The following RBFOX1 variants were observed in gnomAD, a reference collection of about 807,000 sequenced individuals.
RBFOX1 encodes the protein RNA binding protein fox-1 homolog 1.
RBFOX1 carries 8 observed loss-of-function variants against 57.7 expected under a neutral mutation model. That is an observed-to-expected ratio of 0.14 (90% CI 0.08 to 0.25). The LOEUF (loss-of-function observed/expected upper bound fraction) is 0.25. RBFOX1 is among the 10% of genes least tolerant of loss of function. RBFOX1 has a pLI of 1.00. For missense variants in RBFOX1, 611 were observed against 548.5 expected, an observed-to-expected ratio of 1.11 and a Z score of -1.14; for synonymous variants, 326 against 222.4, an observed-to-expected ratio of 1.47 and a Z score of -4.15.
At chr16:6,965,092 A>T (rs556355658) in intron 3 of RBFOX1, among the ~76,000 whole-genome samples, 1 of 151,746 alleles carries the variant, frequency 6.6e-6, no homozygotes, top group Non-Finnish European at 1.5e-5. Flanking sequence ...GCTTCTTCCT[A>T]GGTCATGAGG....
At chr16:7,332,419 G>C (rs2096710019) in intron 4 of RBFOX1, among the ~76,000 whole-genome samples, 1 of 152,226 alleles carries the variant, frequency 6.6e-6, no homozygotes. Context: ...ATCAGAGAGA[G>C]AGCGGGAGGA....
intron 5 of RBFOX1, among the ~76,000 whole-genome samples, chr16:7,547,423 C>G (rs987271653): frequency 6.6e-6 from 1 of 151,844 alleles, no homozygotes; most frequent in Non-Finnish European, 1.5e-5. Flanking sequence ...CTGTTATATG[C>G]CAAAAATGAG....
intron 2 of RBFOX1, among the ~76,000 whole-genome samples, chr16:6,369,228 A>T (rs1484316988): frequency 1.3e-5 from 2 of 152,204 alleles, no homozygotes; most frequent in Non-Finnish European, 2.9e-5. Context: ...TGCCTTAAAT[A>T]TCTCATTTTA....
At chr16:7,038,469 A>G (rs533999405) in intron 3 of RBFOX1, among the ~76,000 whole-genome samples, 2 of 152,314 alleles carry the variant, frequency 1.3e-5, no homozygotes, top group African/African-American at 2.4e-5. Context: ...GAGAATAAAA[A>G]TGTACCTGGG....
intron 2 of RBFOX1, among the ~76,000 whole-genome samples, chr16:5,531,156 C>T (rs2044462816): frequency 6.6e-6 from 1 of 151,800 alleles, no homozygotes; most frequent in East Asian, 1.9e-4. Context: ...AAAATAATCA[C>T]AGTCCAGGTG....
chr16:6,982,483 C>A (rs560849776), intron 3 of RBFOX1, among the ~76,000 whole-genome samples: 5 of 152,118 alleles, frequency 3.3e-5, no homozygotes, highest in Non-Finnish European at 5.9e-5. Context: ...TCATGAGAGT[C>A]GTTGACGAGG....
intron 3 of RBFOX1, among the ~76,000 whole-genome samples, chr16:6,707,508 T>G (rs1180028301): frequency 7.7e-6 from 1 of 129,124 alleles, no homozygotes; most frequent in Non-Finnish European, 1.6e-5. Context: ...GTTGTAAACA[T>G]CACTGCAGTG....
rs2067194507 is a variant in RBFOX1 at position 5,417,579 on chromosome 16, C to T, written c.220-49637C>T. Among the ~76,000 whole-genome samples, 3 of 152,222 alleles carry T rather than the reference C, an allele frequency of 2.0e-5. No individual in the cohort carries two copies. In the South Asian group the frequency reaches 6.2e-4, roughly 32 times the overall value. ...CCTGGCTTAAGAGAAGGAAAACAAC[C>T]AGAAGAGAGCAAAGGTGGGCAGACA... On this transcript the variant is annotated intron_variant, in intron 1 of 2. Coordinates refer to the RBFOX1 transcript ENST00000585867.
intron 2 of RBFOX1, 97 bp from the exon 3 acceptor site, chr16:6,654,506 T>G: frequency 1.0e-6 from 1 of 959,310 alleles, no homozygotes; most frequent in Non-Finnish European, 1.5e-6. Context: ...TCTTTATTAT[T>G]TTAAAGGGCA....
intron 2 of RBFOX1, among the ~76,000 whole-genome samples, chr16:6,557,145 A>G (rs1599758686): frequency 2.1e-5 from 3 of 145,260 alleles, no homozygotes; most frequent in South Asian, 4.2e-4. Flanking sequence ...ATATACATAT[A>G]TACACACATA....
chr16:6,817,816 T>C (rs2154272351), intron 3 of RBFOX1, among the ~76,000 whole-genome samples: 1 of 152,262 alleles, frequency 6.6e-6, no homozygotes, highest in Middle Eastern at 3.4e-3. Context: ...TAACTATAAC[T>C]CAAGAATTCA....
intron 4 of RBFOX1, among the ~76,000 whole-genome samples, chr16:5,976,589 C>T (rs1369926957): frequency 6.6e-6 from 1 of 152,110 alleles, no homozygotes; most frequent in Non-Finnish European, 1.5e-5. Flanking sequence ...GTATTTGAGG[C>T]CAGGCACAGT....
Position 6,877,244 on chromosome 16 carries a change from C to A in RBFOX1, c.-15-174813C>A, listed in dbSNP as rs182004994. Among the ~76,000 whole-genome samples, 294 of 152,292 alleles carry A rather than the reference C, an allele frequency of 1.9e-3. 2 individuals are homozygous for A. Among genetic ancestry groups the A allele is most frequent in the Non-Finnish European group, 2.9e-3 (194 of 68,008 alleles). ...TACAGTCCATATTTCATAAATCCCACATGTTGACATGTCCTAGAGAAAGAT... is the reference window on the plus strand; with the variant it reads ...TACAGTCCATATTTCATAAATCCCAAATGTTGACATGTCCTAGAGAAAGAT... On this transcript the variant is annotated intron_variant, in intron 3 of 15. Coordinates refer to ENST00000550418, the MANE Select transcript of RBFOX1 (RefSeq NM_018723.4).
At chr16:6,608,371 T>G (rs892659888) in intron 2 of RBFOX1, among the ~76,000 whole-genome samples, 7 of 152,214 alleles carry the variant, frequency 4.6e-5, no homozygotes, top group African/African-American at 1.7e-4. Flanking sequence ...TTCACCTCTT[T>G]GTGGGTTTTG....
intron 3 of RBFOX1, among the ~76,000 whole-genome samples, chr16:5,824,127 G>T (rs571698064): frequency 4.6e-5 from 7 of 152,202 alleles, no homozygotes; most frequent in Non-Finnish European, 7.3e-5. Flanking sequence ...GGAGCTAGAA[G>T]AAGTGCTCTT....
chr16:7,679,884 A>G (rs2074302150), intron 14 of RBFOX1, among the ~76,000 whole-genome samples: 1 of 152,168 alleles, frequency 6.6e-6, no homozygotes, highest in African/African-American at 2.4e-5. Flanking sequence ...TTATAGTCTC[A>G]TTGACAAATT....
At chr16:7,350,140 C>G (rs540646554) in intron 4 of RBFOX1, among the ~76,000 whole-genome samples, 3 of 152,022 alleles carry the variant, frequency 2.0e-5, no homozygotes, top group South Asian at 2.1e-4. Context: ...GAGCCAAATT[C>G]CATCTAAAAA....
chr16:7,038,672 G>T (rs917076354), intron 3 of RBFOX1, among the ~76,000 whole-genome samples: 1 of 152,154 alleles, frequency 6.6e-6, no homozygotes, highest in African/African-American at 2.4e-5. Context: ...AACTCCACGA[G>T]ACTGCATTCT....
chr16:7,313,385 G>T (rs373226996), intron 4 of RBFOX1, among the ~76,000 whole-genome samples: 7 of 151,844 alleles, frequency 4.6e-5, no homozygotes, highest in African/African-American at 1.5e-4. Context: ...TCCACTGGGG[G>T]TCTCCATTTA....
Sources: allele counts gnomAD v4.1 joint callset (sites outside exome capture counted in the v4.1 genomes callset), GRCh38; gene constraint gnomAD v4.1.1; transcripts MANE v1.5; gene names NCBI Gene and HGNC (gene_info 2026-07-23, HGNC 2026-07-21).